Variants in GDPD3 observed in about 807,000 individuals in gnomAD.
GDPD3 encodes the protein lysophospholipase D GDPD3.
In GDPD3, 40 loss-of-function variants were observed where a neutral mutation model predicts 43.7. The observed-to-expected ratio is 0.91, with a 90% CI of 0.71 to 1.19. The LOEUF is 1.19. Among genes scored for constraint, GDPD3 ranks in the 50% most tolerant of loss-of-function variants. The probability of loss-of-function intolerance (pLI) is 0.00; values close to 1 mark genes in which losing one functional copy is unlikely to be tolerated. For missense variants in GDPD3, 363 were observed against 415.8 expected (o/e 0.87, Z 1.11); for synonymous variants, 145 against 162.9 (o/e 0.89, Z 0.84).
Position 30,112,894 on chromosome 16 carries a change from G to T in GDPD3, c.183-101C>A. 1.3e-6 allele frequency: 2 copies of T among 1,496,086 alleles called. No individual in the cohort carries two copies. The highest frequency in any genetic ancestry group is 1.1e-5 in the South Asian group (1 of 88,008). The allele number at this position is 1,496,086 out of a possible 1,614,324, so 92.7% of individuals were successfully genotyped here. A position where few individuals can be genotyped will look rare whatever the true frequency, so the allele number is the denominator to read the frequency against. On this transcript the variant is annotated intron_variant, in intron 2 of 9. Coordinates refer to ENST00000406256, the MANE Select transcript of GDPD3 (RefSeq NM_024307.3). The surrounding 1 kb of genome is among the most constrained non-coding windows in gnomAD (Gnocchi z 5.4). ...GAATGTGAGAGCGGAGTTCGTGGCG[G>T]GATGTGCAGGCCACCTCCAGGGGGC...
At position 30,113,097 on chromosome 16, in the gene GDPD3, T is replaced by G. The variant is rs745860273; in HGVS notation, c.140-33A>C. 2 of 1,596,992 alleles carry G rather than the reference T, an allele frequency of 1.3e-6. No individual in the cohort carries two copies. The highest frequency in any genetic ancestry group is 4.5e-5 in the East Asian group (2 of 44,812). The stretch of plus-strand genomic sequence containing the variant: ...GGGCACTGGAGTGGGCCTCTGGGGC[T>G]TGGGGTCTAGGGGCCTGGCCCAACC... On this transcript the variant is annotated intron_variant, in intron 1 of 9. Coordinates refer to ENST00000406256, the MANE Select transcript of GDPD3 (RefSeq NM_024307.3). This position sits in a 1 kb window ranked among gnomAD's most constrained non-coding sequence, Gnocchi z 5.9.
chr16:30,105,614 C>G (rs1197863321), intron 9 of GDPD3, among the ~76,000 whole-genome samples: 1 of 151,010 alleles, frequency 6.6e-6, no homozygotes, highest in Non-Finnish European at 1.5e-5. Context: ...ACACCATTCT[C>G]CTGTCTCAGC....
At chr16:30,111,173 AT>A (rs1284063165) in intron 7 of GDPD3, 38 of 538,362 alleles carry the variant, frequency 7.1e-5, no homozygotes, top group African/African-American at 6.2e-4. Context: ...AGATGGATAA[AT>A]TACCTCTCTA....
At chr16:30,105,405 T>C (rs2072850813) in intron 9 of GDPD3, among the ~76,000 whole-genome samples, 1 of 150,662 alleles carries the variant, frequency 6.6e-6, no homozygotes, top group Non-Finnish European at 1.5e-5. Flanking sequence ...TGCAGTGAGC[T>C]ATGGTTGCAC....
chr16:30,105,132 C>G, intron 9 of GDPD3, 123 bp from the exon 10 acceptor site: 1 of 843,964 alleles, frequency 1.2e-6, no homozygotes, highest in Non-Finnish European at 1.8e-6. Flanking sequence ...GTTAAATTCT[C>G]AGGAATTTTG....
In GDPD3 at chr16:30,113,090, C is replaced by G; in HGVS notation, c.140-26G>C. The G allele has an allele frequency of 1.9e-6, 3 of 1,608,002 alleles. No homozygotes were observed. The South Asian group carries it at 3.3e-5, about 18-fold the overall frequency. On this transcript the variant is annotated intron_variant, in intron 1 of 9. Transcript: ENST00000406256. The surrounding 1 kb of genome is among the most constrained non-coding windows in gnomAD (Gnocchi z 5.9). ...CTGTGGGGGGCACTGGAGTGGGCCT[C>G]TGGGGCTTGGGGTCTAGGGGCCTGG...
chr16:30,111,793 C>T (rs1390239601), intron 6 of GDPD3: 16 of 518,334 alleles, frequency 3.1e-5, no homozygotes, highest in East Asian at 1.4e-4. Flanking sequence ...ATTAGCTGGG[C>T]GTGGTGGCGT....
At chr16:30,111,950 A>G (rs1289783144) in intron 6 of GDPD3, 182 bp downstream of exon 6, 2 of 604,230 alleles carry the variant, frequency 3.3e-6, no homozygotes, top group South Asian at 2.0e-5. Flanking sequence ...AAAAAAAACA[A>G]AAGTCACATC....
rs2072922243 is a variant in GDPD3 at position 30,113,536 on chromosome 16, CT to C, written c.-59del. ...ACGCTCAGCCGTCCGCGGGACTGTG[CT>C]GCCTGCCTAGCCAGTGTGGGCCGGC... On this transcript the variant is annotated 5_prime_UTR_variant, in exon 1 of 10. Transcript: ENST00000406256. The surrounding 1 kb of genome is among the most constrained non-coding windows in gnomAD (Gnocchi z 5.9). The C allele has an allele frequency of 2.1e-6, 3 of 1,457,262 alleles. No individual in the cohort carries two copies. The East Asian group carries it at 7.5e-5, about 36-fold the overall frequency. 90.3% of individuals were successfully genotyped at this position (1,457,262 alleles called of 1,614,324 possible). A position where few individuals can be genotyped will look rare whatever the true frequency, so the allele number is the denominator to read the frequency against.
In GDPD3 at chr16:30,111,402, G is replaced by A; in HGVS notation, c.693C>T (p.Pro231=). ...CCCACTGGTACCTGTTGATGATGTT[G>A]GGCAGGAAGCAGAAGAAGAACTTCT... ...IPEKFFFCFL[P]NIINRTYFPF... is the part of the protein sequence containing the mutation. The change falls in exon 7 of 10, where the codon CCC becomes CCT. Residue 231 remains proline, a synonymous_variant. Transcript: ENST00000406256. 1.9e-6 allele frequency: 3 copies of A among 1,613,882 alleles called. No homozygotes were observed. Among genetic ancestry groups the A allele is most frequent in the Non-Finnish European group, 2.5e-6 (3 of 1,179,928 alleles).
In GDPD3 at chr16:30,113,426, A is replaced by G; in HGVS notation, c.53T>C (p.Leu18Pro). ...ALPALGSYAM[L>P]SIFFLRRPHL... ...AGGCCGGCGCAGGAAGAAGATGGAG[A>G]GCATGGCATAGCTGCCCAGGGCAGG... is the stretch of plus-strand genomic sequence containing the variant. The change falls in exon 1 of 10, where the codon CTC (leucine) becomes CCC (proline). Residue 18 changes from leucine (L) to proline (P), a missense_variant. Leu to Pro is a moderately conservative substitution (Grantham distance 98). Coordinates refer to ENST00000406256, the MANE Select transcript of GDPD3 (RefSeq NM_024307.3). The surrounding 1 kb of genome is among the most constrained non-coding windows in gnomAD (Gnocchi z 5.9). 1.2e-6 allele frequency: 2 copies of G among 1,610,962 alleles called. No individual in the cohort carries two copies. Among genetic ancestry groups the G allele is most frequent in the Non-Finnish European group, 1.7e-6 (2 of 1,178,146 alleles).
chr16:30,105,456 CA>C (rs371773622), intron 9 of GDPD3, among the ~76,000 whole-genome samples: 13,964 of 110,956 alleles, frequency 0.13, 844 homozygotes, highest in African/African-American at 0.2. Flanking sequence ...GACCTCGTCT[CA>C]AAAAAAAAAA....
At position 30,112,977 on chromosome 16, in the gene GDPD3, T is replaced by A. The variant is rs981121689; in HGVS notation, c.182+45A>T. On this transcript the variant is annotated intron_variant, in intron 2 of 9. Transcript: ENST00000406256. The surrounding 1 kb of genome is among the most constrained non-coding windows in gnomAD (Gnocchi z 5.4). ...CCTTGCTGTGATGCAGTCCACGACC[T>A]GCACACCCTCACATGGCAGCCTGGG... 3 of 1,592,516 alleles carry A rather than the reference T, an allele frequency of 1.9e-6. No homozygotes were observed. The highest frequency in any genetic ancestry group is 2.6e-6 in the Non-Finnish European group (3 of 1,161,562).
chr16:30,104,899 G>A lies in GDPD3; in HGVS notation c.930C>T (p.Asn310=). The change falls in exon 10 of 10, where the codon AAC becomes AAT. Residue 310 remains asparagine (N), a synonymous_variant. Coordinates refer to ENST00000406256, the MANE Select transcript of GDPD3 (RefSeq NM_024307.3). Reference sequence around the variant, plus strand: ...AGGAGGTCCGGGCAGCTGGTCCATGGTTGTCCAGGTAGTGCCGCAGGGCTG... The same window carrying A: ...AGGAGGTCCGGGCAGCTGGTCCATGATTGTCCAGGTAGTGCCGCAGGGCTG... The part of the protein sequence containing the change: ...YPTALRHYLD[N]HGPAARTS 6.2e-7 allele frequency: 1 copy of A among 1,612,642 alleles called. No individual in the cohort carries two copies. The highest frequency in any genetic ancestry group is 8.5e-7 in the Non-Finnish European group (1 of 1,179,994).
intron 7 of GDPD3, among the ~76,000 whole-genome samples, chr16:30,109,297 T>G (rs2072883538): frequency 6.6e-6 from 1 of 152,130 alleles, no homozygotes; most frequent in African/African-American, 2.4e-5. Flanking sequence ...TTTGAAAGTC[T>G]GAGGTGGGAG....
chr16:30,112,707 AG>A lies in GDPD3; in HGVS notation c.268del (p.Leu90CysfsTer7). On this transcript the variant is annotated frameshift_variant, in exon 3 of 10. Transcript: ENST00000406256. LOFTEE classifies it high-confidence loss of function. The surrounding 1 kb of genome is among the most constrained non-coding windows in gnomAD (Gnocchi z 5.4). ...RVVVVSHDEN[L>X]CRQSGLNRDV... ...CCTGTTTAGGCCCGACTGGCGGCAC[AG>A]GTTCTCATCATGTGACACCACCACC... 2 of 1,613,880 alleles carry A rather than the reference AG, an allele frequency of 1.2e-6. No homozygotes were observed. Among genetic ancestry groups the A allele is most frequent in the South Asian group, 2.2e-5 (2 of 91,082 alleles).
rs201475067 is a variant in GDPD3 at position 30,113,074 on chromosome 16, G to A, written c.140-10C>T. The A allele has an allele frequency of 8.7e-6, 14 of 1,611,744 alleles. No homozygotes were observed. In the African/African-American group the frequency reaches 1.6e-4, roughly 18 times the overall value. ...AGCAGCTCTCCAGATCCTGTGGGGG[G>A]CACTGGAGTGGGCCTCTGGGGCTTG... On this transcript the variant is annotated splice_polypyrimidine_tract_variant and intron_variant, in intron 1 of 9. Transcript: ENST00000406256. The surrounding 1 kb of genome is among the most constrained non-coding windows in gnomAD (Gnocchi z 5.9).
intron 9 of GDPD3, among the ~76,000 whole-genome samples, chr16:30,106,654 C>T (rs978846801): frequency 4.6e-5 from 7 of 152,176 alleles, no homozygotes; most frequent in African/African-American, 1.7e-4. Context: ...ACCTCAGCCT[C>T]CTAACTAGCT....
In GDPD3 at chr16:30,113,236, C is replaced by T; in HGVS notation, c.139+104G>A. 6.3e-6 allele frequency: 8 copies of T among 1,270,276 alleles called. No individual in the cohort carries two copies. The highest frequency in any genetic ancestry group is 7.7e-6 in the Non-Finnish European group (7 of 903,530). The allele number at this position is 1,270,276 out of a possible 1,614,324, so 78.7% of individuals were successfully genotyped here. ...GTCCACACCCTGCCCTGCCACTTCG[C>T]TCTCCTTCTCTCTTGGTCCCTGCCC... On this transcript the variant is annotated intron_variant, in intron 1 of 9. Coordinates refer to ENST00000406256, the MANE Select transcript of GDPD3 (RefSeq NM_024307.3). This position sits in a 1 kb window ranked among gnomAD's most constrained non-coding sequence, Gnocchi z 5.9.
Sources: gnomAD v4.1 joint callset for allele counts (sites outside exome capture counted in the v4.1 genomes callset) on GRCh38, gnomAD v4.1.1 for gene constraint, Gnocchi (gnomAD v3.1) non-coding constraint, MANE v1.5 for transcripts, NCBI Gene and HGNC (gene_info 2026-07-23, HGNC 2026-07-21) for gene names.